SREBF2: variants seen among roughly 807,000 people sequenced by gnomAD.
SREBF2 encodes sterol regulatory element-binding protein 2.
Under a neutral mutation model 113.1 loss-of-function variants are expected in SREBF2, and 55 were observed. That is an observed-to-expected ratio of 0.49 (90% confidence interval 0.39 to 0.61). The LOEUF (loss-of-function observed/expected upper bound fraction) is 0.61, where lower values mean the gene tolerates loss of function less well. Ranked by LOEUF, SREBF2 falls within the 20% of genes least tolerant of loss-of-function variation. SREBF2 has a pLI of 0.00. For synonymous variants in SREBF2, 593 were observed against 605.7 expected (o/e 0.98, Z 0.31); for missense variants, 1,349 against 1,487.4 (o/e 0.91, Z 1.53).
At chr22:41,866,128 A>C (rs1279272888) in intron 1 of SREBF2, among the ~76,000 whole-genome samples, 1 of 152,204 alleles carries the variant, frequency 6.6e-6, no homozygotes, top group Non-Finnish European at 1.5e-5. Flanking sequence ...CTATACTCAC[A>C]GCCTTAGGAC....
chr22:41,835,468 G>T (rs370448817), intron 1 of SREBF2, among the ~76,000 whole-genome samples: 1 of 151,042 alleles, frequency 6.6e-6, no homozygotes, highest in African/African-American at 2.4e-5. Context: ...GCGCCACCAC[G>T]CCCGGCTAAT....
Position 41,858,572 on chromosome 22 carries a change from G to A in SREBF2, c.89-8259G>A, listed in dbSNP as rs953311217. Among the ~76,000 whole-genome samples, 3 of 152,256 alleles carry A rather than the reference G, an allele frequency of 2.0e-5. No homozygotes were observed. The South Asian group carries it at 6.2e-4, about 32-fold the overall frequency. ...AGCCTGGGCAACAAAGCAAGACCCA[G>A]TCTCTCTTACAAATAAAAAATAAAA... On this transcript the variant is annotated intron_variant, in intron 1 of 18. Coordinates refer to ENST00000361204, the MANE Select transcript of SREBF2 (RefSeq NM_004599.4).
intron 11 of SREBF2, among the ~76,000 whole-genome samples, chr22:41,891,963 G>C (rs1342867505): frequency 6.6e-6 from 1 of 152,166 alleles, no homozygotes; most frequent in African/African-American, 2.4e-5. Flanking sequence ...ATGTTATCCC[G>C]GCAAGTGGAG....
At chr22:41,895,844 T>G (rs2077411257) in intron 13 of SREBF2, among the ~76,000 whole-genome samples, 1 of 151,418 alleles carries the variant, frequency 6.6e-6, no homozygotes, top group African/African-American at 2.4e-5. Flanking sequence ...AGGGGCCTGT[T>G]GAAAGGGGAT....
rs1344094120 is a variant in SREBF2 at position 41,871,018 on chromosome 22, G to C, written c.850G>C (p.Ala284Pro). ...CGCCCTCACCACCCCTATCCAGACG[G>C]CTGCCCTTCAAGTACCAGTAAGAGC... ...LTALTTPIQT[A>P]ALQVPTLVGS... Residue 284 changes from alanine (A) to proline (P), a missense_variant, in exon 4 of 19, where the codon GCT (alanine) becomes CCT (proline). Physicochemically the swap from Ala to Pro is conservative, Grantham distance 27. Around this residue, in one of 2 missense-constraint regions of SREBF2, gnomAD observed 699 missense variants for 843.3 expected, o/e 0.83. Coordinates refer to ENST00000361204, the MANE Select transcript of SREBF2 (RefSeq NM_004599.4). 2 of 1,613,998 alleles carry C rather than the reference G, an allele frequency of 1.2e-6. No homozygotes were observed.
At chr22:41,836,206 G>T (rs2076773033) in intron 1 of SREBF2, among the ~76,000 whole-genome samples, 2 of 152,238 alleles carry the variant, frequency 1.3e-5, no homozygotes, top group African/African-American at 4.8e-5. Flanking sequence ...TAGGGGCCAG[G>T]TTTGGGAAAA....
chr22:41,901,033 A>T, intron 16 of SREBF2: 1 of 517,676 alleles, frequency 1.9e-6, no homozygotes, highest in Non-Finnish European at 4.0e-6. Context: ...GGCCCTCGAG[A>T]GACTGCCCTG....
Position 41,905,995 on chromosome 22 carries a change from T to C in SREBF2, c.*335T>C, listed in dbSNP as rs1048491361. Reference sequence around the variant, plus strand: ...TCTCTCCTGAACCCTACTCTCTCCTTTTTGCTTCCTCAGTTTTTATCAGGC... The same window carrying C: ...TCTCTCCTGAACCCTACTCTCTCCTCTTTGCTTCCTCAGTTTTTATCAGGC... On this transcript the variant is annotated 3_prime_UTR_variant, in exon 19 of 19. Transcript: ENST00000361204. 4 of 543,344 alleles carry C rather than the reference T, an allele frequency of 7.4e-6. No individual in the cohort carries two copies. Among genetic ancestry groups the C allele is most frequent in the African/African-American group, 1.9e-5 (1 of 53,324 alleles). The allele number at this position is 543,344 out of a possible 1,614,324, so 33.7% of individuals were successfully genotyped here.
chr22:41,857,611 T>C (rs2076989608), intron 1 of SREBF2, among the ~76,000 whole-genome samples: 1 of 152,238 alleles, frequency 6.6e-6, no homozygotes, highest in Non-Finnish European at 1.5e-5. Flanking sequence ...TTTTTCTTTG[T>C]GGTTTCTTTG....
chr22:41,839,454 G>A (rs566906333), intron 1 of SREBF2, among the ~76,000 whole-genome samples: 28 of 152,230 alleles, frequency 1.8e-4, no homozygotes, highest in African/African-American at 6.7e-4. Flanking sequence ...CAACAAGGAT[G>A]ACAAGGCCAT....
At chr22:41,896,245 G>A (rs941068785) in intron 13 of SREBF2, among the ~76,000 whole-genome samples, 1 of 152,146 alleles carries the variant, frequency 6.6e-6, no homozygotes. Context: ...CATGGAATGT[G>A]CCGGGCAATT....
chr22:41,895,661 C>T (rs965022621), intron 13 of SREBF2, among the ~76,000 whole-genome samples: 1 of 148,836 alleles, frequency 6.7e-6, no homozygotes, highest in South Asian at 2.2e-4. Flanking sequence ...GTCTTGAACT[C>T]CTGATCTCGG....
intron 1 of SREBF2, among the ~76,000 whole-genome samples, chr22:41,848,712 C>T (rs1210518886): frequency 6.6e-6 from 1 of 152,046 alleles, no homozygotes; most frequent in Non-Finnish European, 1.5e-5. Flanking sequence ...GAGTAAGGCT[C>T]CTATCTCTGT....
Position 41,874,023 on chromosome 22 carries a change from G to A in SREBF2, c.1089+4G>A. ...GGTCATGGGGACAGACGCCAAGGTGGGTGCCAAGCAAAATTGTGTTTTATG... is the reference window on the plus strand; with the variant it reads ...GGTCATGGGGACAGACGCCAAGGTGAGTGCCAAGCAAAATTGTGTTTTATG... On this transcript the variant is annotated splice_donor_region_variant and intron_variant, in intron 5 of 18. Coordinates refer to ENST00000361204, the MANE Select transcript of SREBF2 (RefSeq NM_004599.4). 1.9e-6 allele frequency: 3 copies of A among 1,614,042 alleles called. No homozygotes were observed. Among genetic ancestry groups the A allele is most frequent in the Non-Finnish European group, 2.5e-6 (3 of 1,179,978 alleles).
At chr22:41,880,625 G>T (rs2077236058) in intron 9 of SREBF2, 91 bp from the exon 10 acceptor site, 1 of 1,541,912 alleles carries the variant, frequency 6.5e-7, no homozygotes, top group Non-Finnish European at 9.0e-7. Context: ...TAATTCCTCT[G>T]ATAATTGGGG....
chr22:41,893,083 C>T (rs936094289), intron 11 of SREBF2, 34 bp from the exon 12 acceptor site: 1 of 1,611,070 alleles, frequency 6.2e-7, no homozygotes, highest in African/African-American at 1.3e-5. Context: ...ATTCTGCCAC[C>T]TTGGTGTTAC....
rs750442935 is a variant in SREBF2, at chr22:41,880,867, T to C, written c.1913T>C (p.Leu638Pro). Reference protein sequence around the residue: ...LQKLRLVRWLLKKVFQCRRAT... With the variant: ...LQKLRLVRWLPKKVFQCRRAT... ...AAGCTACGCCTGGTGCGCTGGCTGC[T>C]CAAGAAAGTCTTCCAGTGCCGGCGG... The change falls in exon 10 of 19, where the codon CTC becomes CCC. Residue 638 changes from leucine (L) to proline (P), a missense_variant. Leu to Pro is a moderately conservative substitution (Grantham distance 98). Transcript: ENST00000361204. 6.2e-7 allele frequency: 1 copy of C among 1,613,922 alleles called. No individual in the cohort carries two copies. Among genetic ancestry groups the C allele is most frequent in the Admixed American group, 1.7e-5 (1 of 60,028 alleles).
chr22:41,857,133 G>A (rs2076984614), intron 1 of SREBF2, among the ~76,000 whole-genome samples: 1 of 152,018 alleles, frequency 6.6e-6, no homozygotes, highest in Non-Finnish European at 1.5e-5. Flanking sequence ...ACTCAAAGAA[G>A]ATGTTCGTCA....
chr22:41,857,719 G>T (rs1022555092), intron 1 of SREBF2, among the ~76,000 whole-genome samples: 5 of 152,104 alleles, frequency 3.3e-5, no homozygotes, highest in Admixed American at 2.6e-4. Context: ...CAGACTCTTC[G>T]CAGGAAGGTG....
Sources: allele counts gnomAD v4.1 joint callset (sites outside exome capture counted in the v4.1 genomes callset), GRCh38; gene constraint gnomAD v4.1.1; regional missense constraint gnomAD v4.1.1; transcripts MANE v1.5; gene names NCBI Gene and HGNC (gene_info 2026-07-23, HGNC 2026-07-21).